Variants in TAFA1 observed in about 807,000 individuals in gnomAD.
TAFA1 encodes the protein chemokine-like protein TAFA-1.
In TAFA1, 4 loss-of-function variants were observed where a neutral mutation model predicts 18.5. That is an observed-to-expected ratio of 0.22 (90% CI 0.11 to 0.49). TAFA1 has a LOEUF of 0.49. Among genes scored for constraint, TAFA1 ranks in the 20% least tolerant of loss-of-function variants. The pLI is 0.98. For missense variants in TAFA1, 147 were observed against 169.0 expected, an observed-to-expected ratio of 0.87 and a Z score of 0.72; for synonymous variants, 56 against 55.2, an observed-to-expected ratio of 1.01 and a Z score of -0.06.
chr3:68,285,767 A>G lies in TAFA1; in HGVS notation c.119-131513A>G, dbSNP rs2067988340. On this transcript the variant is annotated intron_variant, in intron 2 of 4. Coordinates refer to ENST00000478136, the MANE Select transcript of TAFA1 (RefSeq NM_213609.4). ...AAAGATTTTTGAGTGTGATCATGCA[A>G]TTGTCACTAAGGGTGAAATGATAAA... is the stretch of plus-strand genomic sequence containing the variant. Among the ~76,000 whole-genome samples the G allele has an allele frequency of 3.3e-5, 5 of 152,166 alleles. No individual in the cohort carries two copies. The South Asian group carries it at 1.0e-3, about 32-fold the overall frequency.
At chr3:68,075,542 A>G (rs193263627) in intron 2 of TAFA1, among the ~76,000 whole-genome samples, 91 of 152,322 alleles carry the variant, frequency 6.0e-4, no homozygotes, top group African/African-American at 2.0e-3. Context: ...ACCTTATTAC[A>G]TACTGTGAAG....
At chr3:68,405,147 A>C (rs573291323) in intron 2 of TAFA1, among the ~76,000 whole-genome samples, 22 of 152,130 alleles carry the variant, frequency 1.4e-4, no homozygotes, top group Non-Finnish European at 2.8e-4. Context: ...TATCTTCATA[A>C]AGGAGTTTGT....
At chr3:67,999,673 A>T (rs565327732), upstream of TAFA1, among the ~76,000 whole-genome samples, 192 of 152,282 alleles carry the variant, frequency 1.3e-3, no homozygotes, top group African/African-American at 4.5e-3. Flanking sequence ...TAGCAAAAAA[A>T]TTCCAACACA....
At chr3:68,143,632 G>A (rs1164011456) in intron 2 of TAFA1, among the ~76,000 whole-genome samples, 1 of 152,114 alleles carries the variant, frequency 6.6e-6, no homozygotes, top group Non-Finnish European at 1.5e-5. Flanking sequence ...ACAACCAGAA[G>A]AGTCTTCGGA....
At chr3:68,264,084 C>T (rs1305957444) in intron 2 of TAFA1, among the ~76,000 whole-genome samples, 1 of 152,008 alleles carries the variant, frequency 6.6e-6, no homozygotes, top group Admixed American at 6.6e-5. Context: ...TTGAGGCCAA[C>T]ATGGTGAAGC....
chr3:68,356,759 G>A (rs1005794366), intron 2 of TAFA1, among the ~76,000 whole-genome samples: 1 of 151,728 alleles, frequency 6.6e-6, no homozygotes, highest in African/African-American at 2.4e-5. Context: ...GATATATATG[G>A]AATATTACAT....
chr3:68,443,352 T>A (rs911426985), intron 3 of TAFA1, among the ~76,000 whole-genome samples: 2 of 151,784 alleles, frequency 1.3e-5, no homozygotes, highest in Non-Finnish European at 2.9e-5. Context: ...CCCTAAGTTC[T>A]ACCCTTCAAG....
At position 68,136,536 on chromosome 3, in the gene TAFA1, T is replaced by C. The variant is rs182940556; in HGVS notation, c.118+129792T>C. ...CAAGTTGCATGCCACTGTTCCGTAG[T>C]GACTGTTCTTTACCTGGAACGGCTT... On this transcript the variant is annotated intron_variant, in intron 2 of 4. Transcript: ENST00000478136. 5.2e-3 allele frequency among the ~76,000 whole-genome samples: 796 copies of C among 152,244 alleles called. 4 individuals carry two copies. Among genetic ancestry groups the C allele is most frequent in the African/African-American group, 0.018 (768 of 41,534 alleles).
At chr3:68,422,058 A>T (rs774817291) in intron 3 of TAFA1, among the ~76,000 whole-genome samples, 12 of 152,134 alleles carry the variant, frequency 7.9e-5, no homozygotes, top group Non-Finnish European at 1.5e-5. Flanking sequence ...GTAAGATAAC[A>T]TATTAATATA....
intron 2 of TAFA1, among the ~76,000 whole-genome samples, chr3:68,197,865 G>A (rs2066429972): frequency 6.6e-6 from 1 of 151,660 alleles, no homozygotes; most frequent in African/African-American, 2.4e-5. Flanking sequence ...CTGTATATAG[G>A]TGGGTTGGAA....
At chr3:68,057,465 A>C (rs1010718763) in intron 2 of TAFA1, among the ~76,000 whole-genome samples, 4 of 152,232 alleles carry the variant, frequency 2.6e-5, no homozygotes, top group Non-Finnish European at 5.9e-5. Flanking sequence ...CATCTCAGGA[A>C]ATGTGCTAAG....
At chr3:68,300,119 G>T (rs1021253873) in intron 2 of TAFA1, among the ~76,000 whole-genome samples, 19 of 152,306 alleles carry the variant, frequency 1.2e-4, no homozygotes, top group African/African-American at 4.1e-4. Flanking sequence ...TCCATTGATA[G>T]CTTACACCAT....
At chr3:68,267,202 T>G (rs1451206140) in intron 2 of TAFA1, among the ~76,000 whole-genome samples, 1 of 152,204 alleles carries the variant, frequency 6.6e-6, no homozygotes, top group African/African-American at 2.4e-5. Context: ...TTCCACACTG[T>G]GGACATACAT....
At chr3:68,329,497 G>T (rs542484250) in intron 2 of TAFA1, among the ~76,000 whole-genome samples, 1 of 152,224 alleles carries the variant, frequency 6.6e-6, no homozygotes, top group Non-Finnish European at 1.5e-5. Context: ...TTTACTCAGT[G>T]TGGTGATGGT....
intron 2 of TAFA1, among the ~76,000 whole-genome samples, chr3:68,034,844 A>T (rs1243237588): frequency 6.6e-6 from 1 of 152,194 alleles, no homozygotes; most frequent in Non-Finnish European, 1.5e-5. Flanking sequence ...TATTTTAGAA[A>T]GGGGAAATTT....
intron 2 of TAFA1, among the ~76,000 whole-genome samples, chr3:68,354,543 T>A (rs2106781491): frequency 6.6e-6 from 1 of 152,024 alleles, no homozygotes; most frequent in East Asian, 1.9e-4. Flanking sequence ...ATATGAAACA[T>A]CTAGAAAAAG....
intron 2 of TAFA1, among the ~76,000 whole-genome samples, chr3:68,280,138 C>T (rs2067872483): frequency 6.6e-6 from 1 of 152,004 alleles, no homozygotes; most frequent in South Asian, 2.1e-4. Context: ...GAAAGAAGCA[C>T]TTGAGAAAAC....
chr3:68,147,207 C>T (rs2065752392), intron 2 of TAFA1, among the ~76,000 whole-genome samples: 1 of 152,040 alleles, frequency 6.6e-6, no homozygotes, highest in South Asian at 2.1e-4. Context: ...TGAGCCATAC[C>T]TCCTTAACCT....
chr3:68,007,506 T>C (rs1355403775), intron 2 of TAFA1, among the ~76,000 whole-genome samples: 1 of 152,138 alleles, frequency 6.6e-6, no homozygotes, highest in Non-Finnish European at 1.5e-5. Context: ...TCGATTGTCC[T>C]TACCTTCCCC....
Sources: allele counts gnomAD v4.1 joint callset (sites outside exome capture counted in the v4.1 genomes callset), GRCh38; gene constraint gnomAD v4.1.1; transcripts MANE v1.5; gene names NCBI Gene and HGNC (gene_info 2026-07-23, HGNC 2026-07-21).